The following CFAP58 variants were observed in gnomAD, a reference collection of about 807,000 sequenced individuals.
The protein encoded by CFAP58 is cilia- and flagella-associated protein 58.
A neutral mutation model predicts 119.5 loss-of-function variants in CFAP58; 88 were observed. That is an observed-to-expected ratio of 0.74 (90% CI 0.62 to 0.88). CFAP58 has a LOEUF of 0.88. Ranked by LOEUF, CFAP58 falls within the 40% of genes least tolerant of loss-of-function variation. The pLI is 0.00. For synonymous variants in CFAP58, 365 were observed against 366.3 expected, an observed-to-expected ratio of 1.00 and a Z score of 0.04; for missense variants, 990 against 1,021.2, an observed-to-expected ratio of 0.97 and a Z score of 0.42.
intron 8 of CFAP58, 135 bp from the exon 9 acceptor site, chr10:104,379,894 G>C: frequency 1.2e-6 from 1 of 820,548 alleles, no homozygotes; most frequent in Non-Finnish European, 2.0e-6. Context: ...TTAATAAGCT[G>C]TAGAGAATAT....
At chr10:104,425,370 T>C (rs1225542111) in intron 15 of CFAP58, among the ~76,000 whole-genome samples, 1 of 152,164 alleles carries the variant, frequency 6.6e-6, no homozygotes, top group Non-Finnish European at 1.5e-5. Context: ...CTGGCTATTT[T>C]GTTTTGGAGT....
chr10:104,374,678 T>C (rs1335764904), intron 7 of CFAP58, among the ~76,000 whole-genome samples: 1 of 151,864 alleles, frequency 6.6e-6, no homozygotes. Context: ...AAGAGAATGA[T>C]GATATCCAGG....
At chr10:104,439,597 T>C (rs1298326010) in intron 15 of CFAP58, among the ~76,000 whole-genome samples, 1 of 152,126 alleles carries the variant, frequency 6.6e-6, no homozygotes, top group Non-Finnish European at 1.5e-5. Flanking sequence ...CATTTCATTT[T>C]GGGAGGCTGA....
chr10:104,381,897 A>G (rs965712554), intron 9 of CFAP58, among the ~76,000 whole-genome samples: 2 of 152,156 alleles, frequency 1.3e-5, no homozygotes, highest in African/African-American at 4.8e-5. Flanking sequence ...TGACTTAACC[A>G]TCTTAGAAGC....
upstream of CFAP58, among the ~76,000 whole-genome samples, chr10:104,351,118 G>A (rs964068782): frequency 6.6e-6 from 1 of 152,140 alleles, no homozygotes; most frequent in African/African-American, 2.4e-5. Context: ...GCCTGAGCTG[G>A]GTTGCCTGTC....
At chr10:104,446,779 AATTTCTTT>A (rs1382683279) in intron 15 of CFAP58, among the ~76,000 whole-genome samples, 3 of 152,180 alleles carry the variant, frequency 2.0e-5, no homozygotes, top group African/African-American at 7.2e-5. Context: ...GCTTATATGT[AATTTCTTT>A]AGTTCAAGGG....
chr10:104,392,359 A>G lies in CFAP58; in HGVS notation c.1492A>G (p.Arg498Gly), dbSNP rs369714220. The change falls in exon 10 of 18, where the codon AGA becomes GGA. Residue 498 changes from arginine (R) to glycine (G), a missense_variant. By Grantham distance (125) the Arg-to-Gly change is moderately radical. Transcript: ENST00000369704. Reference sequence around the variant, plus strand: ...CCTATATGAAGCTGTGAGATCAGACAGAAATCTGTATAGCAAAAATCTGGT... The same window carrying G: ...CCTATATGAAGCTGTGAGATCAGACGGAAATCTGTATAGCAAAAATCTGGT... ...QNLYEAVRSD[R>G]NLYSKNLVEA... 7 of 1,605,726 alleles carry G rather than the reference A, an allele frequency of 4.4e-6. No individual in the cohort carries two copies. In the African/African-American group the frequency reaches 9.4e-5, roughly 22 times the overall value.
chr10:104,339,526 A>G, the CFAP58 span, among the ~76,000 whole-genome samples: 1 of 152,246 alleles, frequency 6.6e-6, no homozygotes, highest in Non-Finnish European at 1.5e-5. Context: ...GTGAAGGCAC[A>G]TTGGGGAAAT....
At chr10:104,349,261 CCAAAACAAAA>C (rs200006936), upstream of CFAP58, among the ~76,000 whole-genome samples, 3,869 of 152,074 alleles carry the variant, frequency 0.025, 57 homozygotes, top group African/African-American at 0.039. Context: ...CGCCTCCACA[CCAAAACAAAA>C]CAAAACAAAA....
chr10:104,376,397 C>A (rs901329179), intron 7 of CFAP58, among the ~76,000 whole-genome samples: 2 of 148,588 alleles, frequency 1.3e-5, no homozygotes, highest in African/African-American at 5.0e-5. Flanking sequence ...CCCAGCTGCT[C>A]GAGAGGTTGA....
intron 9 of CFAP58, among the ~76,000 whole-genome samples, chr10:104,389,970 G>T (rs1247894334): frequency 6.6e-6 from 1 of 152,142 alleles, no homozygotes; most frequent in Non-Finnish European, 1.5e-5. Flanking sequence ...AACAAGGAGG[G>T]TTTATCCTGA....
Position 104,366,157 on chromosome 10 carries a change from G to C in CFAP58, c.792+149G>C. The C allele has an allele frequency of 4.3e-6, 3 of 698,678 alleles. No homozygotes were observed. In the South Asian group the frequency reaches 7.1e-5, roughly 17 times the overall value. The allele number at this position is 698,678 out of a possible 1,614,324, so 43.3% of individuals were successfully genotyped here. A position where few individuals can be genotyped will look rare whatever the true frequency, so the allele number is the denominator to read the frequency against. On this transcript the variant is annotated intron_variant, in intron 5 of 17. Transcript: ENST00000369704. ...GATGTAAAACTTAGCACTGCAATTTGGTCTTTGAATGGCTCTTATGAGGTA... is the reference window on the plus strand; with the variant it reads ...GATGTAAAACTTAGCACTGCAATTTCGTCTTTGAATGGCTCTTATGAGGTA...
chr10:104,399,764 C>T (rs2012229375), intron 12 of CFAP58, among the ~76,000 whole-genome samples: 1 of 152,048 alleles, frequency 6.6e-6, no homozygotes, highest in Admixed American at 6.6e-5. Context: ...AAGGAGCTTG[C>T]ATTCTAGTAT....
In CFAP58 at chr10:104,368,505, G is replaced by A. The variant is rs764408281; in HGVS notation, c.875G>A (p.Ser292Asn). The part of the protein sequence containing the change: ...AKLQQENEQH[S>N]LVCEQLSQEN... ...CTTCAGCAAGAGAATGAACAGCACA[G>A]TTTGGTCTGTGAGCAGCTATCCCAG... Residue 292 changes from serine to asparagine, a missense_variant, in exon 6 of 18, where the codon AGT becomes AAT. Transcript: ENST00000369704. 9 of 1,614,030 alleles carry A rather than the reference G, an allele frequency of 5.6e-6. No homozygotes were observed. The highest frequency in any genetic ancestry group is 7.6e-6 in the Non-Finnish European group (9 of 1,179,928).
At chr10:104,371,743 C>A (rs913545056) in intron 7 of CFAP58, among the ~76,000 whole-genome samples, 7 of 152,192 alleles carry the variant, frequency 4.6e-5, no homozygotes, top group African/African-American at 1.7e-4. Context: ...CATCCATCAT[C>A]ATCCAGATAT....
At chr10:104,394,678 T>C (rs957740052) in intron 11 of CFAP58, among the ~76,000 whole-genome samples, 1 of 152,246 alleles carries the variant, frequency 6.6e-6, no homozygotes, top group African/African-American at 2.4e-5. Flanking sequence ...TTTACCTGTC[T>C]CAGACATTCA....
intron 10 of CFAP58, 101 bp downstream of exon 10, chr10:104,392,495 A>C: frequency 1.2e-6 from 1 of 824,528 alleles, no homozygotes. Flanking sequence ...AGATTAAAAA[A>C]AAAACTCATG....
chr10:104,395,305 G>T (rs1027466766), intron 11 of CFAP58, among the ~76,000 whole-genome samples: 10 of 152,200 alleles, frequency 6.6e-5, no homozygotes, highest in African/African-American at 2.2e-4. Context: ...AGCAGATTTG[G>T]CAGCTGGTGA....
At chr10:104,346,055 G>A in the CFAP58 span, among the ~76,000 whole-genome samples, 1 of 152,014 alleles carries the variant, frequency 6.6e-6, no homozygotes. Flanking sequence ...AACTGCTTCT[G>A]GTGAGGGCCT....
Sources: allele counts gnomAD v4.1 joint callset (sites outside exome capture counted in the v4.1 genomes callset), GRCh38; gene constraint gnomAD v4.1.1; transcripts MANE v1.5; gene names NCBI Gene and HGNC (gene_info 2026-07-23, HGNC 2026-07-21).